Variants in ABAT observed in about 807,000 individuals in gnomAD.
The protein encoded by ABAT is 4-aminobutyrate aminotransferase.
ABAT carries 45 observed loss-of-function variants against 64.6 expected under a neutral mutation model. The observed-to-expected ratio is 0.70, with a 90% CI of 0.55 to 0.89. The LOEUF (loss-of-function observed/expected upper bound fraction) is 0.89. Among genes scored for constraint, ABAT ranks in the 40% least tolerant of loss-of-function variants. The pLI is 0.00. For missense variants in ABAT, 633 were observed against 658.4 expected, an observed-to-expected ratio of 0.96 and a Z score of 0.42; for synonymous variants, 297 against 250.5, an observed-to-expected ratio of 1.19 and a Z score of -1.75.
chr16:8,733,280 C>G (rs146925701), intron 1 of ABAT, among the ~76,000 whole-genome samples: 1 of 150,376 alleles, frequency 6.6e-6, no homozygotes, highest in Non-Finnish European at 1.5e-5. Context: ...TGATGGCGGC[C>G]GGGAAGAGGT....
intron 6 of ABAT, among the ~76,000 whole-genome samples, chr16:8,761,550 G>A (rs765912187): frequency 1.3e-5 from 2 of 152,312 alleles, no homozygotes; most frequent in East Asian, 1.9e-4. Context: ...GTGAATCCAC[G>A]TTCTCCGTCC....
chr16:8,723,099 G>C (rs1379601013), intron 1 of ABAT, among the ~76,000 whole-genome samples: 1 of 152,072 alleles, frequency 6.6e-6, no homozygotes, highest in Non-Finnish European at 1.5e-5. Context: ...CAGGTGTGGT[G>C]GCGTGCCCCT....
At chr16:8,717,893 G>A (rs1379574146) in intron 1 of ABAT, among the ~76,000 whole-genome samples, 4 of 151,676 alleles carry the variant, frequency 2.6e-5, no homozygotes, top group African/African-American at 7.3e-5. Flanking sequence ...GGGCTCAAGC[G>A]ATCCTCTCAC....
At chr16:8,711,065 A>G (rs142422154) in intron 1 of ABAT, among the ~76,000 whole-genome samples, 1 of 152,258 alleles carries the variant, frequency 6.6e-6, no homozygotes, top group South Asian at 2.1e-4. Context: ...GTTATTTTCA[A>G]TTTATATCAA....
chr16:8,747,229 G>A (rs1596451819), intron 3 of ABAT, among the ~76,000 whole-genome samples: 1 of 152,150 alleles, frequency 6.6e-6, no homozygotes, highest in East Asian at 1.9e-4. Flanking sequence ...ATGTTACATG[G>A]CACAGGGCTC....
chr16:8,761,912 T>A (rs2059807775), intron 6 of ABAT, among the ~76,000 whole-genome samples: 1 of 152,248 alleles, frequency 6.6e-6, no homozygotes, highest in South Asian at 2.1e-4. Flanking sequence ...TGAAACCATG[T>A]CCCTTAGATC....
In ABAT at chr16:8,768,881, G is replaced by C. The variant is rs771301197; in HGVS notation, c.724G>C (p.Asp242His). ...TCACAAGATCGACATCCCTTCCTTT[G>C]ACTGGCCCATCGCACCGTTCCCACG... The part of the protein sequence containing the change: ...AIHKIDIPSF[D>H]WPIAPFPRLK... Residue 242 changes from aspartate to histidine, a missense_variant, in exon 11 of 16, where the codon GAC (aspartate) becomes CAC (histidine). Coordinates refer to ENST00000268251, the MANE Select transcript of ABAT (RefSeq NM_020686.6). The C allele has an allele frequency of 5.0e-6, 8 of 1,614,038 alleles. No homozygotes were observed. The East Asian group carries it at 1.1e-4, about 22-fold the overall frequency.
At chr16:8,769,736 C>T (rs1196057522) in intron 11 of ABAT, among the ~76,000 whole-genome samples, 2 of 152,126 alleles carry the variant, frequency 1.3e-5, no homozygotes, top group Non-Finnish European at 2.9e-5. Context: ...AGGCAGCACC[C>T]CCCTACCCCC....
At chr16:8,735,605 T>C in intron 1 of ABAT, 94 bp from the exon 2 acceptor site, 1 of 1,032,560 alleles carries the variant, frequency 9.7e-7, no homozygotes, top group Non-Finnish European at 1.5e-6. Flanking sequence ...CAGAAGAACT[T>C]TCTCTATTAG....
At chr16:8,684,893 A>C (rs2057417565) in intron 1 of ABAT, among the ~76,000 whole-genome samples, 1 of 152,198 alleles carries the variant, frequency 6.6e-6, no homozygotes, top group South Asian at 2.1e-4. Context: ...GGAGGTCTAA[A>C]TAGATTCAAA....
intron 2 of ABAT, chr16:8,736,098 C>T (rs2058922288): frequency 4.7e-6 from 2 of 427,136 alleles, no homozygotes; most frequent in Non-Finnish European, 8.8e-6. Context: ...TACATGGCTA[C>T]AGGCAAGAGA....
intron 1 of ABAT, among the ~76,000 whole-genome samples, chr16:8,681,647 T>C (rs948967652): frequency 7.3e-5 from 11 of 150,506 alleles, no homozygotes; most frequent in Admixed American, 2.0e-4. Flanking sequence ...CTATCTTTTT[T>C]TTTTTTTTTT....
At position 8,746,036 on chromosome 16, in the gene ABAT, G is replaced by C. The variant is rs766849835; in HGVS notation, c.106G>C (p.Asp36His). The change falls in exon 3 of 16, where the codon GAC (aspartate) becomes CAC (histidine). Residue 36 changes from aspartate to histidine, a missense_variant. Asp to His is a moderately conservative substitution (Grantham distance 81, BLOSUM62 -1). Transcript: ENST00000268251. The part of the protein sequence containing the change: ...RHISQAAAKV[D>H]VEFDYDGPLM... ...CATTAGTCAAGCTGCAGCCAAAGTC[G>C]ACGTTGAATTTGATTATGATGGGCC... 6.2e-7 allele frequency: 1 copy of C among 1,613,888 alleles called. No homozygotes were observed. Among genetic ancestry groups the C allele is most frequent in the Non-Finnish European group, 8.5e-7 (1 of 1,180,000 alleles).
chr16:8,688,559 A>G (rs1369672702), intron 1 of ABAT, among the ~76,000 whole-genome samples: 2 of 152,126 alleles, frequency 1.3e-5, no homozygotes, highest in Non-Finnish European at 2.9e-5. Flanking sequence ...AACTCAATCT[A>G]CAGAAAAAAA....
intron 2 of ABAT, chr16:8,738,509 C>T (rs2059051239): frequency 2.2e-6 from 1 of 454,008 alleles, no homozygotes; most frequent in East Asian, 6.9e-5. Flanking sequence ...TGGTCTGTGA[C>T]AGTTTCTCAG....
In ABAT at chr16:8,747,994, T is replaced by G. The variant is rs1344729085; in HGVS notation, c.169-114T>G. 4 of 953,648 alleles carry G rather than the reference T, an allele frequency of 4.2e-6. No individual in the cohort carries two copies. The South Asian group carries it at 5.6e-5, about 13-fold the overall frequency. The allele number at this position is 953,648 out of a possible 1,614,324, so 59.1% of individuals were successfully genotyped here. A position where few individuals can be genotyped will look rare whatever the true frequency, so the allele number is the denominator to read the frequency against. On this transcript the variant is annotated intron_variant, in intron 3 of 15. Transcript: ENST00000268251. ...AGTAATATGGTTGACTAATAAAATA[T>G]TTAGTTATTGGCAAAAGAAAAAAAT...
intron 1 of ABAT, among the ~76,000 whole-genome samples, chr16:8,695,671 C>A (rs76445651): frequency 1.3e-5 from 2 of 152,098 alleles, no homozygotes; most frequent in Non-Finnish European, 2.9e-5. Context: ...CAGGGCCTTT[C>A]GGCTTTCTTT....
intron 1 of ABAT, among the ~76,000 whole-genome samples, chr16:8,729,888 G>A (rs974290783): frequency 2.6e-5 from 4 of 151,080 alleles, no homozygotes; most frequent in Admixed American, 1.3e-4. Flanking sequence ...GGTAGAGAGT[G>A]TCAGGACTCT....
chr16:8,722,600 A>G (rs1255215190), intron 1 of ABAT, among the ~76,000 whole-genome samples: 3 of 152,206 alleles, frequency 2.0e-5, no homozygotes, highest in African/African-American at 2.4e-5. Context: ...CGGGAAATGC[A>G]TGGGGGAGAT....
Sources: allele counts gnomAD v4.1 joint callset (sites outside exome capture counted in the v4.1 genomes callset), GRCh38; gene constraint gnomAD v4.1.1; transcripts MANE v1.5; gene names NCBI Gene and HGNC (gene_info 2026-07-23, HGNC 2026-07-21).